PLXNA3: variants seen among roughly 807,000 people sequenced by gnomAD.
PLXNA3 encodes the protein plexin-A3.
Under a neutral mutation model 118.8 loss-of-function variants are expected in PLXNA3, and 52 were observed. That is an observed-to-expected ratio of 0.44 (90% CI 0.35 to 0.55). The LOEUF (loss-of-function observed/expected upper bound fraction) is 0.55, where lower values mean the gene tolerates loss of function less well. Ranked by LOEUF, PLXNA3 falls within the 20% of genes least tolerant of loss-of-function variation. The pLI, the probability that PLXNA3 is intolerant of heterozygous loss-of-function variation, is 0.01. For missense variants in PLXNA3, 1,660 were observed against 1,730.8 expected (o/e 0.96, Z 0.73); for synonymous variants, 925 against 762.4 (o/e 1.21, Z -3.51).
In PLXNA3 at chrX:154,465,121, A is replaced by G; in HGVS notation, c.2147A>G (p.Gln716Arg). 3 of 1,210,824 alleles carry G rather than the reference A, an allele frequency of 2.5e-6. No individual in the cohort carries two copies. The highest frequency in any genetic ancestry group is 3.4e-6 in the Non-Finnish European group (3 of 895,218). Residue 716 changes from glutamine to arginine, a missense_variant, in exon 11 of 33, where the codon CAG becomes CGG. Gln to Arg is a conservative substitution (Grantham distance 43). Coordinates refer to ENST00000369682, the MANE Select transcript of PLXNA3 (RefSeq NM_017514.5). The part of the protein sequence containing the change: ...AKNLPQPQSG[Q>R]KNYECVVRVQ... ...AACCTACCTCAGCCGCAGTCGGGCC[A>G]GAAGAACTATGAGTGCGTGGTGCGG...
rs782633521 is a variant in PLXNA3 at position 154,460,759 on chromosome X, C to T, written c.576C>T (p.Ser192=). 1.5e-4 allele frequency: 171 copies of T among 1,119,466 alleles called. No individual in the cohort carries two copies. Among genetic ancestry groups the T allele is most frequent in the South Asian group, 6.5e-4 (30 of 46,492 alleles). The allele number at this position is 1,119,466 out of a possible 1,213,427, so 92.3% of individuals were successfully genotyped here. The change falls in exon 2 of 33, where the codon AGC becomes AGT. Residue 192 remains serine, a synonymous_variant. Coordinates refer to ENST00000369682, the MANE Select transcript of PLXNA3 (RefSeq NM_017514.5). ...GCAAGCTCATCAGTGATGAAGACAG[C>T]GCGGACATGTTCAGTCTCGTGCGTG... ...SSRKLISDED[S]ADMFSLVYQD... is the part of the protein sequence containing the mutation.
At position 154,459,714 on chromosome X, in the gene PLXNA3, C is replaced by G. The variant is rs782452834; in HGVS notation, c.-27-443C>G. Among the ~76,000 whole-genome samples, 42 of 112,767 alleles carry G rather than the reference C, an allele frequency of 3.7e-4. 1 individual carries two copies. The highest frequency in any genetic ancestry group is 3.6e-3 in the Admixed American group (39 of 10,796). ...TTCCCCAGACCTCTGTCCCAGGGCTCCTGGTGGCAGTGCCACTCCAGGTGG... is the reference window on the plus strand; with the variant it reads ...TTCCCCAGACCTCTGTCCCAGGGCTGCTGGTGGCAGTGCCACTCCAGGTGG... On this transcript the variant is annotated intron_variant, in intron 1 of 32. Coordinates refer to ENST00000369682, the MANE Select transcript of PLXNA3 (RefSeq NM_017514.5).
chrX:154,462,521 T>C (rs1245991442), intron 4 of PLXNA3, among the ~76,000 whole-genome samples: 2 of 112,391 alleles, frequency 1.8e-5, no homozygotes, highest in Non-Finnish European at 3.8e-5. Flanking sequence ...CAGTTCCCAC[T>C]GTGGACTGAA....
In PLXNA3 at chrX:154,467,926, G is replaced by A; in HGVS notation, c.3745G>A (p.Ala1249Thr). The change falls in exon 21 of 33, where the codon GCG becomes ACG. Residue 1249 changes from alanine to threonine, a missense_variant. Physicochemically the swap from Ala to Thr is moderately conservative, Grantham distance 58 (BLOSUM62 0). Around this residue, in one of 2 missense-constraint regions of PLXNA3, gnomAD observed 869 missense variants for 1,078.7 expected, o/e 0.81. Transcript: ENST00000369682. ...GGCCTACAAGCGCAAGACTCAGGAC[G>A]CGGACCGTACCCTCAAGCGTCTGCA... ...LVAYKRKTQD[A>T]DRTLKRLQLQ... The A allele has an allele frequency of 3.3e-6, 4 of 1,210,797 alleles. No individual in the cohort carries two copies. The highest frequency in any genetic ancestry group is 3.4e-6 in the Non-Finnish European group (3 of 895,275).
At position 154,467,452 on chromosome X, in the gene PLXNA3, G is replaced by C; in HGVS notation, c.3422G>C (p.Gly1141Ala). The change falls in exon 19 of 33, where the codon GGC becomes GCC. Residue 1141 changes from glycine to alanine, a missense_variant. Coordinates refer to ENST00000369682, the MANE Select transcript of PLXNA3 (RefSeq NM_017514.5). ...GPSGVLDVKP[G>A]SHVVLKGKNL... Reference sequence around the variant, plus strand: ...TCTGGCGTGCTGGACGTCAAACCGGGCTCCCACGTGGTGCTGAAGGTGCGG... The same window carrying C: ...TCTGGCGTGCTGGACGTCAAACCGGCCTCCCACGTGGTGCTGAAGGTGCGG... 1 of 1,187,484 alleles carries C rather than the reference G, an allele frequency of 8.4e-7. No homozygotes were observed. Among genetic ancestry groups the C allele is most frequent in the Non-Finnish European group, 1.1e-6 (1 of 885,974 alleles).
chrX:154,464,633 C>T (rs2148249762), intron 9 of PLXNA3, 121 bp from the exon 10 acceptor site: 2 of 688,292 alleles, frequency 2.9e-6, no homozygotes, highest in South Asian at 5.3e-5. Context: ...CCTGACATCC[C>T]CACATCTCTC....
chrX:154,461,044 C>T, intron 2 of PLXNA3, 55 bp from the exon 3 acceptor site: 1 of 1,042,400 alleles, frequency 9.6e-7, no homozygotes, highest in South Asian at 2.1e-5. Context: ...TGGCGGTGGC[C>T]CGTGATGTTG....
At position 154,463,971 on chromosome X, in the gene PLXNA3, G is replaced by C; in HGVS notation, c.1568G>C (p.Cys523Ser). The change falls in exon 7 of 33, where the codon TGT (cysteine) becomes TCT (serine). Residue 523 changes from cysteine to serine, a missense_variant. By Grantham distance (112) the Cys-to-Ser change is moderately radical. Transcript: ENST00000369682. ...LRHRCCREGA[C>S]LGASAPHGFA... ...TGCAGGTGCTGCCGCGAAGGGGCCT[G>C]TCTGGGCGCCTCTGCCCCACACGGC... The C allele has an allele frequency of 8.4e-7, 1 of 1,185,309 alleles. No individual in the cohort carries two copies. The highest frequency in any genetic ancestry group is 1.9e-5 in the South Asian group (1 of 53,955).
At chrX:154,460,085 C>G in intron 1 of PLXNA3, 72 bp from the exon 2 acceptor site, 1 of 568,500 alleles carries the variant, frequency 1.8e-6, no homozygotes, top group South Asian at 2.8e-5. Context: ...GGGGCTTTGG[C>G]GGGGTGGTGG....
rs1228197338 is a variant in PLXNA3, at chrX:154,472,770, C to A, written c.*85C>A. On this transcript the variant is annotated 3_prime_UTR_variant, in exon 33 of 33. Coordinates refer to ENST00000369682, the MANE Select transcript of PLXNA3 (RefSeq NM_017514.5). The stretch of plus-strand genomic sequence containing the variant: ...AGTGGCTGGCTCAAGCCTGGGTCCC[C>A]GGGCTGAGCCCTGGATTGGGTATCG... 1.4e-6 allele frequency: 1 copy of A among 696,096 alleles called. No homozygotes were observed. Among genetic ancestry groups the A allele is most frequent in the African/African-American group, 2.1e-5 (1 of 47,315 alleles). 57.4% of individuals were successfully genotyped at this position (696,096 alleles called of 1,213,427 possible). A position where few individuals can be genotyped will look rare whatever the true frequency, so the allele number is the denominator to read the frequency against.
In PLXNA3 at chrX:154,474,700, A is replaced by G. The variant is rs1161125130; in HGVS notation, c.*2015A>G. 6 of 95,720 alleles carry G rather than the reference A, an allele frequency of 6.3e-5. No homozygotes were observed. The highest frequency in any genetic ancestry group is 2.5e-4 in the African/African-American group (6 of 24,111). 7.9% of individuals were successfully genotyped at this position (95,720 alleles called of 1,213,427 possible). A position where few individuals can be genotyped will look rare whatever the true frequency, so the allele number is the denominator to read the frequency against. On this transcript the variant is annotated 3_prime_UTR_variant, in exon 33 of 33. Transcript: ENST00000369682. ...TACTGTGTTAGCCAGGATGGTCTCG[A>G]TCTCCTGACCTCGTGATCCACCTGC... is the stretch of plus-strand genomic sequence containing the variant.
At position 154,466,025 on chromosome X, in the gene PLXNA3, C is replaced by T. The variant is rs782480846; in HGVS notation, c.2623C>T (p.Arg875Trp). ...CCTCTTGTCCCGAGAGGTGGGCCTG[C>T]GGGTGGCTGGCGTGCGTTGCAACTC... ...LGLLSREVGL[R>W]VAGVRCNSIP... Residue 875 changes from arginine to tryptophan, a missense_variant, in exon 14 of 33, where the codon CGG becomes TGG. Around this residue, in one of 2 missense-constraint regions of PLXNA3, gnomAD observed 869 missense variants for 1,078.7 expected, o/e 0.81. Transcript: ENST00000369682. 21 of 1,208,938 alleles carry T rather than the reference C, an allele frequency of 1.7e-5. No homozygotes were observed. The highest frequency in any genetic ancestry group is 5.9e-5 in the East Asian group (2 of 33,779).
intron 4 of PLXNA3, among the ~76,000 whole-genome samples, chrX:154,462,871 G>A (rs1263553901): frequency 9.0e-6 from 1 of 110,783 alleles, no homozygotes; most frequent in East Asian, 2.8e-4. Flanking sequence ...GGACTGCAGT[G>A]CTCTCATCCT....
chrX:154,471,681 G>A, intron 32 of PLXNA3, 43 bp downstream of exon 32: 1 of 1,147,000 alleles, frequency 8.7e-7, no homozygotes, highest in Middle Eastern at 2.7e-4. Flanking sequence ...TGGTCCTGAA[G>A]GTGCAGCCAG....
chrX:154,463,033 G>A (rs1008477938), intron 4 of PLXNA3, among the ~76,000 whole-genome samples: 14 of 111,079 alleles, frequency 1.3e-4, no homozygotes, highest in South Asian at 1.1e-3. Flanking sequence ...TTTGTTGAAC[G>A]CGTACTATCC....
intron 3 of PLXNA3, 126 bp from the exon 4 acceptor site, chrX:154,461,992 CCTAGGGCGAG>C: frequency 1.9e-6 from 1 of 522,946 alleles, no homozygotes; most frequent in East Asian, 3.7e-5. Flanking sequence ...CCTGGAGCAC[CCTAGGGCGAG>C]CAGTCAGTCC....
Position 154,469,403 on chromosome X carries a change from G to A in PLXNA3, c.4619G>A (p.Arg1540His). Residue 1540 changes from arginine to histidine, a missense_variant, in exon 27 of 33, where the codon CGC becomes CAC. Arg to His is a conservative substitution (Grantham distance 29, BLOSUM62 0). Transcript: ENST00000369682. ...DLEWRQGRMTRIILQDEDVTT... is the reference protein window; with the variant it reads ...DLEWRQGRMTHIILQDEDVTT... ...GAGTGGCGCCAGGGCCGCATGACTC[G>A]CATCATCCTCCAGGATGAGGATGTC... is the stretch of plus-strand genomic sequence containing the variant. 3 of 1,209,278 alleles carry A rather than the reference G, an allele frequency of 2.5e-6. No homozygotes were observed. Among genetic ancestry groups the A allele is most frequent in the South Asian group, 1.8e-5 (1 of 56,941 alleles).
In PLXNA3 at chrX:154,471,491, T is replaced by C. The variant is rs143928608; in HGVS notation, c.5373T>C (p.Tyr1791=). Residue 1791 remains tyrosine (Y), a synonymous_variant, in exon 32 of 33, where the codon TAT becomes TAC. Transcript: ENST00000369682. ...GACATACTCAGGGTCCCAACAGGTA[T>C]TATCGAGACATTGCAAAGATGGCAT... ...IPNYKSWVER[Y]YRDIAKMASI... 1.1e-4 allele frequency: 136 copies of C among 1,199,343 alleles called. No homozygotes were observed. Among genetic ancestry groups the C allele is most frequent in the Non-Finnish European group, 1.4e-4 (124 of 887,280 alleles).
Position 154,468,296 on chromosome X carries a change from C to T in PLXNA3, c.3964-7C>T, listed in dbSNP as rs782634194. 74 of 1,198,482 alleles carry T rather than the reference C, an allele frequency of 6.2e-5. No homozygotes were observed. The Admixed American group carries it at 1.1e-3, about 18-fold the overall frequency. ...CCCCACCCTCTGAGACCTCCTGCTC[C>T]CCACAGACGCCACCCAACGTGGAGA... On this transcript the variant is annotated splice_region_variant and splice_polypyrimidine_tract_variant and intron_variant, in intron 22 of 32. Transcript: ENST00000369682.
Sources: allele counts gnomAD v4.1 joint callset (sites outside exome capture counted in the v4.1 genomes callset), GRCh38; gene constraint gnomAD v4.1.1; regional missense constraint gnomAD v4.1.1; transcripts MANE v1.5; gene names NCBI Gene and HGNC (gene_info 2026-07-23, HGNC 2026-07-21).